The following ITGBL1 variants were observed in gnomAD, a reference collection of about 807,000 sequenced individuals.
ITGBL1 encodes the protein integrin beta-like protein 1.
ITGBL1 carries 51 observed loss-of-function variants against 68.5 expected under a neutral mutation model. The observed-to-expected ratio is 0.74, with a 90% CI of 0.59 to 0.94. ITGBL1 has a LOEUF of 0.94. Among genes scored for constraint, ITGBL1 ranks in the 40% least tolerant of loss-of-function variants. The pLI is 0.00. For synonymous variants in ITGBL1, 209 were observed against 227.3 expected, an observed-to-expected ratio of 0.92 and a Z score of 0.72; for missense variants, 649 against 647.4, an observed-to-expected ratio of 1.00 and a Z score of -0.03.
intron 2 of ITGBL1, 56 bp downstream of exon 2, chr13:101,454,156 T>A (rs2048206812): frequency 7.4e-7 from 1 of 1,357,858 alleles, no homozygotes; most frequent in African/African-American, 1.5e-5. Flanking sequence ...CTTCTGGGAT[T>A]TCTGCCACTC....
intron 7 of ITGBL1, among the ~76,000 whole-genome samples, chr13:101,602,896 T>C (rs772478134): frequency 1.3e-5 from 2 of 152,026 alleles, no homozygotes; most frequent in Non-Finnish European, 2.9e-5. Flanking sequence ...TTGTAGCATA[T>C]GTCAGTCCTT....
At chr13:101,512,114 AT>A (rs944749630) in intron 2 of ITGBL1, among the ~76,000 whole-genome samples, 1 of 151,896 alleles carries the variant, frequency 6.6e-6, no homozygotes, top group Non-Finnish European at 1.5e-5. Flanking sequence ...TACTCGTCCT[AT>A]TTTTTCTATC....
intron 7 of ITGBL1, among the ~76,000 whole-genome samples, chr13:101,654,171 C>T (rs2032848722): frequency 6.6e-6 from 1 of 152,114 alleles, no homozygotes; most frequent in African/African-American, 2.4e-5. Flanking sequence ...ATGATCATAA[C>T]TGAGGCCGAG....
chr13:101,653,208 GAGAA>G (rs1447448134), intron 7 of ITGBL1, among the ~76,000 whole-genome samples: 5 of 150,278 alleles, frequency 3.3e-5, no homozygotes, highest in African/African-American at 1.2e-4. Flanking sequence ...GGGAGGAAAG[GAGAA>G]AGGAAGGAAG....
At chr13:101,544,613 T>G (rs1364990972) in intron 2 of ITGBL1, among the ~76,000 whole-genome samples, 2 of 152,204 alleles carry the variant, frequency 1.3e-5, no homozygotes, top group Admixed American at 6.5e-5. Flanking sequence ...CTGCAGAGGA[T>G]TCTGCTGCCT....
At chr13:101,494,870 G>A (rs1177003501) in intron 2 of ITGBL1, among the ~76,000 whole-genome samples, 3 of 152,126 alleles carry the variant, frequency 2.0e-5, no homozygotes, top group African/African-American at 7.2e-5. Context: ...GATATTATAA[G>A]CGCTTTTCTA....
At chr13:101,614,172 T>C (rs1347748230) in intron 7 of ITGBL1, among the ~76,000 whole-genome samples, 1 of 152,132 alleles carries the variant, frequency 6.6e-6, no homozygotes, top group Admixed American at 6.5e-5. Context: ...TTATTTGTTC[T>C]ATATGAAAGA....
chr13:101,591,812 T>C (rs1408879347), intron 6 of ITGBL1, among the ~76,000 whole-genome samples: 2 of 152,162 alleles, frequency 1.3e-5, no homozygotes. Context: ...TTGCAGCAAT[T>C]ATAGAAATCT....
chr13:101,502,189 A>G (rs544260400), intron 2 of ITGBL1, among the ~76,000 whole-genome samples: 1 of 152,174 alleles, frequency 6.6e-6, no homozygotes, highest in Non-Finnish European at 1.5e-5. Context: ...GCACATTATT[A>G]TTTTTTATTT....
intron 7 of ITGBL1, among the ~76,000 whole-genome samples, chr13:101,658,888 T>TA (rs1217625085): frequency 6.8e-6 from 1 of 148,084 alleles, no homozygotes; most frequent in Non-Finnish European, 1.5e-5. Flanking sequence ...TAATAAATAA[T>TA]AAAAAATAAT....
chr13:101,671,439 TTTTTTTTG>T (rs2033365636), intron 7 of ITGBL1, among the ~76,000 whole-genome samples: 9 of 93,488 alleles, frequency 9.6e-5, no homozygotes, highest in Middle Eastern at 5.6e-3. Flanking sequence ...TTTTTTTTGT[TTTTTTTTG>T]TTTTTTTTTG....
At chr13:101,700,193 T>C (rs2034103769) in intron 8 of ITGBL1, among the ~76,000 whole-genome samples, 1 of 152,178 alleles carries the variant, frequency 6.6e-6, no homozygotes, top group Non-Finnish European at 1.5e-5. Flanking sequence ...TAAGAGTGTC[T>C]CAAATACAAC....
At chr13:101,577,673 A>G (rs1253173388) in intron 4 of ITGBL1, among the ~76,000 whole-genome samples, 1 of 152,202 alleles carries the variant, frequency 6.6e-6, no homozygotes, top group East Asian at 1.9e-4. Flanking sequence ...TAAATTCCGT[A>G]GTCTAAAAAG....
intron 9 of ITGBL1, among the ~76,000 whole-genome samples, chr13:101,710,175 A>G (rs1455708710): frequency 1.3e-5 from 2 of 152,188 alleles, no homozygotes; most frequent in African/African-American, 4.8e-5. Flanking sequence ...TTATCCTTCA[A>G]TGGGTAGGGA....
At chr13:101,619,289 T>C (rs1210608783) in intron 7 of ITGBL1, among the ~76,000 whole-genome samples, 3 of 152,020 alleles carry the variant, frequency 2.0e-5, no homozygotes, top group African/African-American at 4.8e-5. Flanking sequence ...AAGGGACTTA[T>C]GATTGCTAAT....
intron 2 of ITGBL1, among the ~76,000 whole-genome samples, chr13:101,556,425 T>A (rs956866805): frequency 6.6e-6 from 1 of 151,826 alleles, no homozygotes; most frequent in East Asian, 1.9e-4. Flanking sequence ...TCCCCTGAGG[T>A]CGGGAGTTCG....
chr13:101,523,457 C>T (rs875118), intron 2 of ITGBL1, among the ~76,000 whole-genome samples: 29 of 151,900 alleles, frequency 1.9e-4, no homozygotes, highest in African/African-American at 3.4e-4. Flanking sequence ...CAAATTAATG[C>T]GGTTTTGCTA....
intron 2 of ITGBL1, among the ~76,000 whole-genome samples, chr13:101,505,136 A>T (rs2049007141): frequency 6.6e-6 from 1 of 152,168 alleles, no homozygotes; most frequent in Non-Finnish European, 1.5e-5. Context: ...ATTAACAGTG[A>T]GTGCATTCAC....
intron 9 of ITGBL1, chr13:101,712,114 A>G (rs2034497540): frequency 6.6e-6 from 1 of 152,204 alleles, no homozygotes; most frequent in Non-Finnish European, 1.5e-5. Flanking sequence ...ATAGGTCCTA[A>G]TAACTATTCA....
Sources: gnomAD v4.1 joint callset for allele counts (sites outside exome capture counted in the v4.1 genomes callset) on GRCh38, gnomAD v4.1.1 for gene constraint, MANE v1.5 for transcripts, NCBI Gene and HGNC (gene_info 2026-07-23, HGNC 2026-07-21) for gene names.